CLVS1: variants seen among roughly 807,000 people sequenced by gnomAD.
CLVS1 encodes clavesin 1, also known as clavesin-1.
Under a neutral mutation model 33.1 loss-of-function variants are expected in CLVS1, and 10 were observed. That is an observed-to-expected ratio of 0.30 (90% CI 0.19 to 0.51). The LOEUF (loss-of-function observed/expected upper bound fraction) is 0.51, where lower values mean the gene tolerates loss of function less well. CLVS1 is among the 20% of genes least tolerant of loss of function. The pLI is 0.97. For missense variants in CLVS1, 343 were observed against 433.4 expected (o/e 0.79, Z 1.85); for synonymous variants, 163 against 166.1 (o/e 0.98, Z 0.14).
rs537705643 is a variant in CLVS1, at chr8:61,172,331, G to A, written c.-152+40471G>A. Among the ~76,000 whole-genome samples the A allele has an allele frequency of 3.3e-4, 50 of 152,244 alleles. 1 individual carries two copies. Among genetic ancestry groups the A allele is most frequent in the Admixed American group, 1.6e-3 (25 of 15,296 alleles). ...TTGGGGGAAAGGTCCTTAGTTTGGT[G>A]TTGAATAAATTGAGTTTGAAGTGAC... On this transcript the variant is annotated intron_variant, in intron 2 of 2. Coordinates refer to the CLVS1 transcript ENST00000522621.
chr8:61,384,383 C>A (rs538686709), intron 3 of CLVS1, among the ~76,000 whole-genome samples: 2 of 152,020 alleles, frequency 1.3e-5, no homozygotes, highest in East Asian at 3.9e-4. Context: ...GCAGGAGAAC[C>A]AATTAAAAGT....
At chr8:61,124,754 C>T (rs1229689749) in intron 1 of CLVS1, among the ~76,000 whole-genome samples, 1 of 152,154 alleles carries the variant, frequency 6.6e-6, no homozygotes, top group Non-Finnish European at 1.5e-5. Flanking sequence ...GCATTGGGTG[C>T]AGAAAGACAA....
rs569584439 is a variant in CLVS1, at chr8:61,387,570, C to T, written c.630+10791C>T. Reference sequence around the variant, plus strand: ...AGTGGTGATTTCTGAGATTTTGGTGCACCCATCACCCGAGCAGTGTACACT... The same window carrying T: ...AGTGGTGATTTCTGAGATTTTGGTGTACCCATCACCCGAGCAGTGTACACT... On this transcript the variant is annotated intron_variant, in intron 3 of 5. Coordinates refer to ENST00000325897, the MANE Select transcript of CLVS1 (RefSeq NM_173519.3). Among the ~76,000 whole-genome samples the T allele has an allele frequency of 2.7e-5, 4 of 146,750 alleles. No homozygotes were observed. In the South Asian group the frequency reaches 6.6e-4, roughly 24 times the overall value.
chr8:61,370,823 A>G (rs1014708230), intron 2 of CLVS1, among the ~76,000 whole-genome samples: 1 of 152,216 alleles, frequency 6.6e-6, no homozygotes, highest in African/African-American at 2.4e-5. Context: ...GGTTGCTGTG[A>G]ATGCCATTAT....
At chr8:61,059,010 G>A (rs915603666) in intron 1 of CLVS1, among the ~76,000 whole-genome samples, 3 of 152,112 alleles carry the variant, frequency 2.0e-5, no homozygotes, top group African/African-American at 7.2e-5. Flanking sequence ...GAACATCCAT[G>A]TCTGAGACTT....
chr8:61,138,448 T>G (rs2129292511), intron 2 of CLVS1, among the ~76,000 whole-genome samples: 1 of 152,354 alleles, frequency 6.6e-6, no homozygotes, highest in South Asian at 2.1e-4. Context: ...TGATCAGACT[T>G]AACTAAATGT....
intron 2 of CLVS1, among the ~76,000 whole-genome samples, chr8:61,265,198 A>G (rs1056221882): frequency 1.3e-5 from 2 of 152,174 alleles, no homozygotes; most frequent in Non-Finnish European, 2.9e-5. Flanking sequence ...CTGCTCCTCA[A>G]ATCTACTTCC....
chr8:61,291,087 TG>T (rs1809970985), intron 1 of CLVS1, among the ~76,000 whole-genome samples: 1 of 152,228 alleles, frequency 6.6e-6, no homozygotes, highest in South Asian at 2.1e-4. Context: ...AAACATCCCC[TG>T]CCCCATAAAA....
intron 2 of CLVS1, among the ~76,000 whole-genome samples, chr8:61,225,882 G>A (rs905129694): frequency 1.3e-5 from 2 of 152,206 alleles, no homozygotes; most frequent in East Asian, 1.9e-4. Flanking sequence ...TCCCCAGGTT[G>A]CATCTGCCTT....
At chr8:61,160,759 T>C (rs1412631993) in intron 2 of CLVS1, among the ~76,000 whole-genome samples, 1 of 152,204 alleles carries the variant, frequency 6.6e-6, no homozygotes, top group Non-Finnish European at 1.5e-5. Flanking sequence ...ACAAACACCC[T>C]TTACTTGACA....
chr8:61,478,022 G>T (rs1410800831), intron 5 of CLVS1, among the ~76,000 whole-genome samples: 1 of 152,132 alleles, frequency 6.6e-6, no homozygotes, highest in African/African-American at 2.4e-5. Context: ...TTATGTCTTT[G>T]TTCTCACTGG....
At chr8:60,973,488 G>A in the CLVS1 span, among the ~76,000 whole-genome samples, 1 of 152,162 alleles carries the variant, frequency 6.6e-6, no homozygotes, top group African/African-American at 2.4e-5. Flanking sequence ...TGCCTCCTCA[G>A]AAGAAAGAAT....
chr8:60,980,982 G>A, the CLVS1 span, among the ~76,000 whole-genome samples: 8 of 152,190 alleles, frequency 5.3e-5, no homozygotes, highest in African/African-American at 1.7e-4. Context: ...GGAGTGACAC[G>A]GCCACAGGGG....
the CLVS1 span, among the ~76,000 whole-genome samples, chr8:61,037,436 A>G: frequency 6.6e-6 from 1 of 152,204 alleles, no homozygotes; most frequent in Non-Finnish European, 1.5e-5. Context: ...CTCAAGGTTC[A>G]GCCATGTTGC....
chr8:60,998,160 C>T, the CLVS1 span, among the ~76,000 whole-genome samples: 3 of 152,132 alleles, frequency 2.0e-5, no homozygotes, highest in Non-Finnish European at 4.4e-5. Flanking sequence ...AAAAGTGCCT[C>T]GTCCCACTCT....
Position 61,356,015 on chromosome 8 carries a change from T to C in CLVS1, c.456-20590T>C, listed in dbSNP as rs1812688841. 2.0e-5 allele frequency among the ~76,000 whole-genome samples: 3 copies of C among 152,210 alleles called. No homozygotes were observed. In the South Asian group the frequency reaches 6.2e-4, roughly 32 times the overall value. ...CTGACTTCCACAATGATTGAACTAG[T>C]TTACAGTCCCACCAACAGTGTAAAA... On this transcript the variant is annotated intron_variant, in intron 2 of 5. Transcript: ENST00000325897.
At chr8:61,456,446 A>G (rs192067706) in intron 4 of CLVS1, among the ~76,000 whole-genome samples, 39 of 152,354 alleles carry the variant, frequency 2.6e-4, no homozygotes, top group African/African-American at 7.5e-4. Context: ...CAAGTGCAAT[A>G]TCAGAAATTT....
At chr8:61,214,412 T>G (rs956318804) in intron 2 of CLVS1, among the ~76,000 whole-genome samples, 1 of 152,186 alleles carries the variant, frequency 6.6e-6, no homozygotes, top group Non-Finnish European at 1.5e-5. Flanking sequence ...TTCTCTCTTT[T>G]GTACTCTGTC....
intron 2 of CLVS1, among the ~76,000 whole-genome samples, chr8:61,147,927 G>A (rs1433752566): frequency 6.6e-6 from 1 of 152,192 alleles, no homozygotes; most frequent in Non-Finnish European, 1.5e-5. Context: ...GGGCCTTATA[G>A]TAAAGACAGA....
Sources: gnomAD v4.1 joint callset for allele counts (sites outside exome capture counted in the v4.1 genomes callset) on GRCh38, gnomAD v4.1.1 for gene constraint, MANE v1.5 for transcripts, NCBI Gene and HGNC (gene_info 2026-07-23, HGNC 2026-07-21) for gene names.